MYEF2: variants seen among roughly 807,000 people sequenced by gnomAD.
MYEF2 encodes the protein myelin gene expression factor 2.
A neutral mutation model predicts 75.2 loss-of-function variants in MYEF2; 37 were observed. The observed-to-expected ratio is 0.49, with a 90% CI of 0.38 to 0.65. The LOEUF is 0.65. Among genes scored for constraint, MYEF2 ranks in the 30% least tolerant of loss-of-function variants. The pLI, the probability that MYEF2 is intolerant of heterozygous loss-of-function variation, is 0.00. For missense variants in MYEF2, 634 were observed against 771.4 expected, an observed-to-expected ratio of 0.82 and a Z score of 2.11; for synonymous variants, 195 against 241.6, an observed-to-expected ratio of 0.81 and a Z score of 1.79.
At chr15:48,176,329 TGA>T (rs1171227271) in intron 1 of MYEF2, among the ~76,000 whole-genome samples, 1 of 151,716 alleles carries the variant, frequency 6.6e-6, no homozygotes, top group Admixed American at 6.6e-5. Flanking sequence ...GAGAAATCCC[TGA>T]GAGTAAATTG....
Position 48,157,739 on chromosome 15 carries a change from G to A in MYEF2, c.985+254C>T. On this transcript the variant is annotated intron_variant, in intron 9 of 16. Coordinates refer to ENST00000324324, the MANE Select transcript of MYEF2 (RefSeq NM_016132.5). The stretch of plus-strand genomic sequence containing the variant: ...ACAGAGGACTTTTTTTCCTTCAAGT[G>A]TATAAATTTACCAAACATTTTAGAA... 7 of 1,179,510 alleles carry A rather than the reference G, an allele frequency of 5.9e-6. No individual in the cohort carries two copies. In the South Asian group the frequency reaches 2.2e-4, roughly 38 times the overall value. 73.1% of individuals were successfully genotyped at this position (1,179,510 alleles called of 1,614,324 possible).
intron 5 of MYEF2, chr15:48,163,040 A>T (rs2040004642): frequency 6.6e-6 from 1 of 152,226 alleles, no homozygotes; most frequent in Non-Finnish European, 1.5e-5. Flanking sequence ...AGGCATGTCA[A>T]AAGTTCAGAC....
intron 5 of MYEF2, among the ~76,000 whole-genome samples, chr15:48,163,385 A>T (rs1393372693): frequency 6.6e-6 from 1 of 152,192 alleles, no homozygotes; most frequent in African/African-American, 2.4e-5. Flanking sequence ...CTTCAATTCT[A>T]TGAAGGCTGA....
rs913748776 is a variant in MYEF2 at position 48,140,215 on chromosome 15, C to G, written c.*2693G>C. 4.6e-5 allele frequency: 7 copies of G among 151,892 alleles called. No individual in the cohort carries two copies. The highest frequency in any genetic ancestry group is 4.4e-5 in the Non-Finnish European group (3 of 67,926). The allele number at this position is 151,892 out of a possible 1,614,324, so 9.4% of individuals were successfully genotyped here. On this transcript the variant is annotated 3_prime_UTR_variant, in exon 17 of 17. Transcript: ENST00000324324. ...AGAGCAAAAATCATGTAATAGATCA[C>G]AGAACAGCCCCCAAGATGATAAATA...
Position 48,139,160 on chromosome 15 carries a change from A to C in MYEF2, c.*3748T>G, listed in dbSNP as rs767088796. On this transcript the variant is annotated 3_prime_UTR_variant, in exon 17 of 17. Transcript: ENST00000324324. The stretch of plus-strand genomic sequence containing the variant: ...CGCATTTACATATATCCTGGTTTGG[A>C]TGGTCACAATAACTGGTATGTATTT... The C allele has an allele frequency of 6.2e-7, 1 of 1,611,464 alleles. No homozygotes were observed. Among genetic ancestry groups the C allele is most frequent in the South Asian group, 1.1e-5 (1 of 90,974 alleles).
chr15:48,154,947 T>A (rs2039636519), intron 9 of MYEF2, among the ~76,000 whole-genome samples: 1 of 151,998 alleles, frequency 6.6e-6, no homozygotes. Context: ...TACTATTACA[T>A]AAAAGAATAA....
intron 14 of MYEF2, among the ~76,000 whole-genome samples, chr15:48,150,294 C>T (rs555937172): frequency 6.6e-6 from 1 of 151,880 alleles, no homozygotes; most frequent in East Asian, 1.9e-4. Context: ...ATGGCTGAGG[C>T]TAAAAGATGA....
At position 48,138,756 on chromosome 15, in the gene MYEF2, G is replaced by A. The variant is rs549128045; in HGVS notation, c.*4152C>T. On this transcript the variant is annotated 3_prime_UTR_variant, in exon 17 of 17. Coordinates refer to ENST00000324324, the MANE Select transcript of MYEF2 (RefSeq NM_016132.5). ...TTATAGATTTAAGGCCCCAAATAAA[G>A]AAATGCGGAGTATCACATCTTACAT... The A allele has an allele frequency of 9.5e-5, 48 of 507,846 alleles. 1 individual carries two copies. The highest frequency in any genetic ancestry group is 8.6e-4 in the African/African-American group (45 of 52,544). 31.5% of individuals were successfully genotyped at this position (507,846 alleles called of 1,614,324 possible). A position where few individuals can be genotyped will look rare whatever the true frequency, so the allele number is the denominator to read the frequency against.
At position 48,136,500 on chromosome 15, in the gene MYEF2, C is replaced by A; in HGVS notation, c.*6408G>T. 2.1e-6 allele frequency: 1 copy of A among 473,774 alleles called. No homozygotes were observed. The highest frequency in any genetic ancestry group is 3.5e-6 in the Non-Finnish European group (1 of 282,994). The allele number at this position is 473,774 out of a possible 1,614,324, so 29.3% of individuals were successfully genotyped here. On this transcript the variant is annotated 3_prime_UTR_variant, in exon 17 of 17. Coordinates refer to ENST00000324324, the MANE Select transcript of MYEF2 (RefSeq NM_016132.5). ...CAACACAGAAGTGTCCAGCTTTTAT[C>A]AATAAACATAATAATGCTGTAATCA...
chr15:48,175,517 G>C (rs915110874), intron 1 of MYEF2, among the ~76,000 whole-genome samples: 1 of 152,140 alleles, frequency 6.6e-6, no homozygotes, highest in African/African-American at 2.4e-5. Flanking sequence ...TAATTAGCGT[G>C]ATTGTGGTAA....
intron 2 of MYEF2, 105 bp downstream of exon 2, chr15:48,168,526 A>G: frequency 3.6e-6 from 3 of 840,658 alleles, no homozygotes; most frequent in Non-Finnish European, 5.6e-6. Flanking sequence ...AATAAAAATC[A>G]ATTTTTTGAG....
At chr15:48,157,626 G>T in intron 9 of MYEF2, 1 of 418,024 alleles carries the variant, frequency 2.4e-6, no homozygotes, top group Non-Finnish European at 3.3e-6. Flanking sequence ...AATTATTTTT[G>T]TTCCCAACTA....
At position 48,158,007 on chromosome 15, in the gene MYEF2, G is replaced by A. The variant is rs775770997; in HGVS notation, c.971C>T (p.Thr324Ile). 3.1e-6 allele frequency: 5 copies of A among 1,613,022 alleles called. No homozygotes were observed. The highest frequency in any genetic ancestry group is 1.7e-4 in the Middle Eastern group (1 of 6,048). The change falls in exon 9 of 17, where the codon ACA becomes ATA. Residue 324 changes from threonine (T) to isoleucine (I), a missense_variant. Physicochemically the swap from Thr to Ile is moderately conservative, Grantham distance 89 (BLOSUM62 -1). Transcript: ENST00000324324. ...CTTTTACTTACGTGGTAATTGTGGTGTTTTACCATCATGTGAACGGTACTC... is the reference window on the plus strand; with the variant it reads ...CTTTTACTTACGTGGTAATTGTGGTATTTTACCATCATGTGAACGGTACTC... ...HEEYRSHDGK[T>I]PQLPRGLGGI...
rs2039815320 is a variant in MYEF2, at chr15:48,158,872, A to G, written c.768T>C (p.Ala256=). Residue 256 remains alanine, a synonymous_variant, in exon 7 of 17, where the codon GCT becomes GCC. Transcript: ENST00000324324. ...TAATATCTGCCCGCTTCACAGTTCC[A>G]GCTATGCTGAACACTTCCTTTAGCT... ...WKKLKEVFSI[A]GTVKRADIKE... 6 of 1,613,618 alleles carry G rather than the reference A, an allele frequency of 3.7e-6. No individual in the cohort carries two copies. The African/African-American group carries it at 6.7e-5, about 18-fold the overall frequency.
At chr15:48,150,235 C>A (rs746877285) in intron 14 of MYEF2, among the ~76,000 whole-genome samples, 1 of 151,602 alleles carries the variant, frequency 6.6e-6, no homozygotes, top group Non-Finnish European at 1.5e-5. Flanking sequence ...AACAGAAGTA[C>A]AAACACTGAG....
chr15:48,158,319 A>C (rs2039785343), intron 7 of MYEF2, 95 bp from the exon 8 acceptor site: 1 of 1,163,728 alleles, frequency 8.6e-7, no homozygotes, highest in Non-Finnish European at 1.2e-6. Context: ...CAACTCTCTG[A>C]TATTTTAATT....
At chr15:48,170,607 C>G (rs2040294623) in intron 1 of MYEF2, among the ~76,000 whole-genome samples, 1 of 152,074 alleles carries the variant, frequency 6.6e-6, no homozygotes, top group Non-Finnish European at 1.5e-5. Context: ...GTTTCATGAG[C>G]CAGGCTCTAA....
Position 48,134,793 on chromosome 15 carries a change from C to A in MYEF2, c.*8115G>T. ...ATATGCAAAAGATAACAATATTTAA[C>A]TACAAATATATAAACAATTTTAGTA... On this transcript the variant is annotated 3_prime_UTR_variant, in exon 17 of 17. Coordinates refer to ENST00000324324, the MANE Select transcript of MYEF2 (RefSeq NM_016132.5). 1.9e-6 allele frequency: 2 copies of A among 1,029,346 alleles called. No homozygotes were observed. The highest frequency in any genetic ancestry group is 2.9e-6 in the Non-Finnish European group (2 of 700,962). The allele number at this position is 1,029,346 out of a possible 1,614,324, so 63.8% of individuals were successfully genotyped here.
chr15:48,173,942 T>C (rs963481736), intron 1 of MYEF2, among the ~76,000 whole-genome samples: 2 of 152,140 alleles, frequency 1.3e-5, no homozygotes, highest in African/African-American at 4.8e-5. Flanking sequence ...ATAAATTCAA[T>C]GTGATCTCTA....
Sources: gnomAD v4.1 joint callset for allele counts (sites outside exome capture counted in the v4.1 genomes callset) on GRCh38, gnomAD v4.1.1 for gene constraint, MANE v1.5 for transcripts, NCBI Gene and HGNC (gene_info 2026-07-23, HGNC 2026-07-21) for gene names.